CBLN2: variants seen among roughly 807,000 people sequenced by gnomAD.
The protein encoded by CBLN2 is cerebellin 2 precursor.
Under a neutral mutation model 15.0 loss-of-function variants are expected in CBLN2, and 7 were observed. That is an observed-to-expected ratio of 0.47 (90% CI 0.27 to 0.88). CBLN2 has a LOEUF of 0.88. Ranked by LOEUF, CBLN2 falls within the 40% of genes least tolerant of loss-of-function variation. The probability of loss-of-function intolerance (pLI) is 0.14; values close to 1 mark genes in which losing one functional copy is unlikely to be tolerated. For missense variants in CBLN2, 242 were observed against 304.5 expected, an observed-to-expected ratio of 0.79 and a Z score of 1.53; for synonymous variants, 149 against 135.2, an observed-to-expected ratio of 1.10 and a Z score of -0.71.
At chr18:72,582,895 G>A (rs1226696644) in intron 1 of CBLN2, among the ~76,000 whole-genome samples, 1 of 152,184 alleles carries the variant, frequency 6.6e-6, no homozygotes, top group African/African-American at 2.4e-5. Context: ...ATCTTATGTT[G>A]CATGCTATGT....
chr18:72,540,714 A>T (rs1272016933), intron 3 of CBLN2, among the ~76,000 whole-genome samples: 2 of 152,308 alleles, frequency 1.3e-5, no homozygotes, highest in East Asian at 3.9e-4. Flanking sequence ...ATGCCTAACA[A>T]TAATTGAGAA....
chr18:72,576,154 A>G (rs2069365213), intron 1 of CBLN2, among the ~76,000 whole-genome samples: 1 of 152,216 alleles, frequency 6.6e-6, no homozygotes, highest in African/African-American at 2.4e-5. Flanking sequence ...AGGTATTTCT[A>G]TGCAGCTTTT....
At chr18:72,618,081 A>T (rs2144962958) in intron 1 of CBLN2, among the ~76,000 whole-genome samples, 1 of 152,344 alleles carries the variant, frequency 6.6e-6, no homozygotes, top group East Asian at 1.9e-4. Flanking sequence ...AGTATCAAAC[A>T]TTCTAGTGCT....
At chr18:72,618,600 TA>T in intron 1 of CBLN2, 1 of 960,308 alleles carries the variant, frequency 1.0e-6, no homozygotes, top group Non-Finnish European at 1.6e-6. Context: ...TTGGTGGCAT[TA>T]AAGAAGACAC....
At chr18:72,562,169 G>A (rs2069265639) in intron 1 of CBLN2, among the ~76,000 whole-genome samples, 3 of 152,144 alleles carry the variant, frequency 2.0e-5, no homozygotes, top group Admixed American at 2.0e-4. Context: ...CACATAAATT[G>A]AGCGTATATG....
chr18:72,573,514 T>A (rs1193755777), intron 1 of CBLN2, among the ~76,000 whole-genome samples: 1 of 152,202 alleles, frequency 6.6e-6, no homozygotes, highest in Non-Finnish European at 1.5e-5. Flanking sequence ...TTTATTAGAT[T>A]GTTATATAGT....
chr18:72,562,565 T>C (rs2069268814), intron 1 of CBLN2, among the ~76,000 whole-genome samples: 1 of 152,148 alleles, frequency 6.6e-6, no homozygotes, highest in Non-Finnish European at 1.5e-5. Flanking sequence ...GTTAGACGAG[T>C]CTCCTTGACT....
chr18:72,584,007 A>C (rs2144921735), intron 1 of CBLN2, among the ~76,000 whole-genome samples: 1 of 152,306 alleles, frequency 6.6e-6, no homozygotes, highest in East Asian at 1.9e-4. Context: ...TGTTATCATG[A>C]CCTGGAGGGC....
chr18:72,597,648 C>G (rs2069521841), intron 1 of CBLN2, among the ~76,000 whole-genome samples: 1 of 152,208 alleles, frequency 6.6e-6, no homozygotes, highest in Non-Finnish European at 1.5e-5. Flanking sequence ...CCCCCTGTCC[C>G]TGAGAAGGTC....
At chr18:72,548,854 T>C (rs949382791), upstream of CBLN2, among the ~76,000 whole-genome samples, 2 of 152,042 alleles carry the variant, frequency 1.3e-5, no homozygotes, top group South Asian at 4.2e-4. Flanking sequence ...TAACACCAGA[T>C]TCACATACGA....
chr18:72,580,800 C>G (rs1412978154), intron 1 of CBLN2, among the ~76,000 whole-genome samples: 1 of 152,100 alleles, frequency 6.6e-6, no homozygotes, highest in Non-Finnish European at 1.5e-5. Context: ...TATGAACATT[C>G]ACATTATATC....
At chr18:72,599,029 C>T (rs895144897) in intron 1 of CBLN2, among the ~76,000 whole-genome samples, 58 of 151,828 alleles carry the variant, frequency 3.8e-4, no homozygotes, top group Middle Eastern at 3.4e-3. Context: ...GATCACTCAC[C>T]GGATTTTGGG....
intron 1 of CBLN2, among the ~76,000 whole-genome samples, chr18:72,606,588 A>G (rs2069585071): frequency 6.6e-6 from 1 of 152,234 alleles, no homozygotes; most frequent in Non-Finnish European, 1.5e-5. Context: ...CAGAGAAACT[A>G]AAATCAAAGG....
upstream of CBLN2, among the ~76,000 whole-genome samples, chr18:72,548,421 C>T (rs1401776281): frequency 2.0e-5 from 3 of 152,072 alleles, no homozygotes; most frequent in Non-Finnish European, 4.4e-5. Flanking sequence ...AATAGAACAT[C>T]CAAAGGGAAT....
chr18:72,620,340 G>A (rs1231368119), intron 1 of CBLN2: 1 of 152,204 alleles, frequency 6.6e-6, no homozygotes, highest in Non-Finnish European at 1.5e-5. Context: ...TTGAAGGATG[G>A]TGAATGTAGA....
intron 1 of CBLN2, among the ~76,000 whole-genome samples, chr18:72,576,388 G>T (rs553602385): frequency 1.6e-4 from 24 of 152,244 alleles, no homozygotes; most frequent in African/African-American, 4.6e-4. Flanking sequence ...GTCAGAGCTT[G>T]TCCACCTCAA....
chr18:72,617,768 T>G (rs2069671907), intron 1 of CBLN2, among the ~76,000 whole-genome samples: 1 of 152,182 alleles, frequency 6.6e-6, no homozygotes, highest in Non-Finnish European at 1.5e-5. Context: ...GAAGTAGAAG[T>G]CAATGTTGTG....
chr18:72,563,790 C>T (rs2069276748), intron 1 of CBLN2, among the ~76,000 whole-genome samples: 1 of 152,118 alleles, frequency 6.6e-6, no homozygotes, highest in Non-Finnish European at 1.5e-5. Flanking sequence ...GAGCAGTGTC[C>T]AAGCCAGTGG....
intron 1 of CBLN2, among the ~76,000 whole-genome samples, chr18:72,592,837 C>G (rs1037467545): frequency 6.6e-6 from 1 of 152,032 alleles, no homozygotes; most frequent in African/African-American, 2.4e-5. Context: ...CTATTCTGTT[C>G]TATTGGTCTT....
Sources: allele counts gnomAD v4.1 joint callset (sites outside exome capture counted in the v4.1 genomes callset), GRCh38; gene constraint gnomAD v4.1.1; transcripts MANE v1.5; gene names NCBI Gene and HGNC (gene_info 2026-07-23, HGNC 2026-07-21).